Variants in CAPN14 observed in about 807,000 individuals in gnomAD.
CAPN14 encodes calpain 14.
Under a neutral mutation model 101.3 loss-of-function variants are expected in CAPN14, and 94 were observed. That is an observed-to-expected ratio of 0.93 (90% confidence interval 0.79 to 1.10). CAPN14 has a LOEUF of 1.10. Ranked by LOEUF, CAPN14 falls within the 50% of genes least tolerant of loss-of-function variation. The probability of loss-of-function intolerance (pLI) is 0.00; values close to 1 mark genes in which losing one functional copy is unlikely to be tolerated. For synonymous variants in CAPN14, 338 were observed against 317.9 expected, an observed-to-expected ratio of 1.06 and a Z score of -0.67; for missense variants, 837 against 828.4, an observed-to-expected ratio of 1.01 and a Z score of -0.13.
chr2:31,192,972 C>G (rs1437177004), intron 10 of CAPN14, among the ~76,000 whole-genome samples, 159 bp downstream of exon 10: 1 of 152,102 alleles, frequency 6.6e-6, no homozygotes, highest in African/African-American at 2.4e-5. Flanking sequence ...CCCATCTTCC[C>G]TGTGGTTATA....
At chr2:31,176,756 C>A in intron 20 of CAPN14, 114 bp from the exon 21 acceptor site, 3 of 991,380 alleles carry the variant, frequency 3.0e-6, no homozygotes, top group Non-Finnish European at 4.7e-6. Context: ...CGTGAGGGAA[C>A]CCAGTGTCAG....
At chr2:31,178,183 C>T (rs1017304311) in intron 18 of CAPN14, among the ~76,000 whole-genome samples, 4 of 152,152 alleles carry the variant, frequency 2.6e-5, no homozygotes, top group African/African-American at 9.7e-5. Context: ...ATTGGAAGAG[C>T]AAGAAGGAGC....
At chr2:31,188,931 C>T (rs1278392289) in intron 13 of CAPN14, among the ~76,000 whole-genome samples, 1 of 152,174 alleles carries the variant, frequency 6.6e-6, no homozygotes, top group Non-Finnish European at 1.5e-5. Flanking sequence ...TCTTGTAACA[C>T]CCTGTGCATA....
At position 31,191,868 on chromosome 2, in the gene CAPN14, AGACATGGTAACTGTTGGT is replaced by A. The variant is rs144444654; in HGVS notation, c.1278+49_1278+66del. Reference sequence around the variant, plus strand: ...ATGGTGAAGAAGACAGGAAACAGGAAGACATGGTAACTGTTGGTGACCCCCACGCTTGGTCCCATGCCC... The same window carrying A: ...ATGGTGAAGAAGACAGGAAACAGGAAGACCCCCACGCTTGGTCCCATGCCC... On this transcript the variant is annotated intron_variant, in intron 11 of 21. Coordinates refer to ENST00000403897, the MANE Select transcript of CAPN14 (RefSeq NM_001145122.2). 1.8e-4 allele frequency: 245 copies of A among 1,380,442 alleles called. 2 individuals are homozygous for A. The East Asian group carries it at 5.5e-3, about 31-fold the overall frequency. 85.5% of individuals were successfully genotyped at this position (1,380,442 alleles called of 1,614,324 possible).
chr2:31,203,870 G>A (rs1411196796), intron 2 of CAPN14, among the ~76,000 whole-genome samples: 1 of 152,188 alleles, frequency 6.6e-6, no homozygotes, highest in African/African-American at 2.4e-5. Flanking sequence ...CTGTGTTCCT[G>A]AAATCTTGTA....
chr2:31,205,178 T>C, intron 2 of CAPN14, 45 bp downstream of exon 2: 4 of 1,517,480 alleles, frequency 2.6e-6, no homozygotes, highest in Non-Finnish European at 2.7e-6. Context: ...CTGAAAGCCC[T>C]AAACCCTGGG....
chr2:31,221,620 T>C (rs1682864545), upstream of CAPN14, among the ~76,000 whole-genome samples: 2 of 152,110 alleles, frequency 1.3e-5, no homozygotes, highest in Admixed American at 6.6e-5. Flanking sequence ...TGGCAGAAAA[T>C]GTATTTGTAT....
intron 1 of CAPN14, among the ~76,000 whole-genome samples, chr2:31,214,877 A>G (rs1436605598): frequency 6.6e-6 from 1 of 152,198 alleles, no homozygotes; most frequent in Non-Finnish European, 1.5e-5. Flanking sequence ...GAAGGAACTT[A>G]GTGGTCATCC....
chr2:31,206,030 A>ATTT (rs1349730634), intron 1 of CAPN14, among the ~76,000 whole-genome samples: 1 of 113,076 alleles, frequency 8.8e-6, no homozygotes, highest in Non-Finnish European at 1.9e-5. Context: ...TATTTTTTTT[A>ATTT]TTTATTTATT....
At chr2:31,202,472 GATTTTAGATCTGGACCAGGA>G (rs1195298742) in intron 3 of CAPN14, among the ~76,000 whole-genome samples, 3 of 152,162 alleles carry the variant, frequency 2.0e-5, no homozygotes, top group Non-Finnish European at 4.4e-5. Context: ...TCCTGGGCCA[GATTTTAGATCTGGACCAGGA>G]ATTTTAGATT....
chr2:31,205,578 G>T, intron 1 of CAPN14, 79 bp from the exon 2 acceptor site: 4 of 736,130 alleles, frequency 5.4e-6, no homozygotes, highest in South Asian at 5.2e-5. Context: ...GGGGAAGGAT[G>T]GAGAGAATGG....
At position 31,229,763 on chromosome 2, in the gene CAPN14, T is replaced by A. The variant is rs376978461; in HGVS notation, c.-176-3112A>T. On this transcript the variant is annotated intron_variant and NMD_transcript_variant, in intron 1 of 21. Coordinates refer to the CAPN14 transcript ENST00000398824. ...ATAGCTGAAGCTCCCTGTGTACCCA[T>A]CCCCAATTCCATTTCCCTTTTTTGT... 2.0e-5 allele frequency among the ~76,000 whole-genome samples: 3 copies of A among 151,060 alleles called. No individual in the cohort carries two copies. In the East Asian group the frequency reaches 5.9e-4, roughly 30 times the overall value.
At chr2:31,231,975 G>A (rs533776282) in intron 1 of CAPN14, among the ~76,000 whole-genome samples, 1 of 152,192 alleles carries the variant, frequency 6.6e-6, no homozygotes, top group Non-Finnish European at 1.5e-5. Flanking sequence ...ATATTAATCT[G>A]AGTGAATTCT....
chr2:31,203,003 C>T, intron 3 of CAPN14, 67 bp downstream of exon 3: 1 of 1,365,970 alleles, frequency 7.3e-7, no homozygotes, highest in Non-Finnish European at 1.0e-6. Flanking sequence ...TTATCAACCA[C>T]TCTGTCTTGG....
chr2:31,208,202 A>G (rs1028426102), intron 1 of CAPN14, among the ~76,000 whole-genome samples: 1 of 151,660 alleles, frequency 6.6e-6, no homozygotes, highest in Admixed American at 6.6e-5. Flanking sequence ...TTTTTTCCCT[A>G]ATGTGGATGA....
chr2:31,174,772 C>A lies in CAPN14; in HGVS notation c.2029-65G>T, dbSNP rs879044584. On this transcript the variant is annotated intron_variant, in intron 21 of 21. Coordinates refer to ENST00000403897, the MANE Select transcript of CAPN14 (RefSeq NM_001145122.2). ...CCACGTCTCATCTGGGCCTCCCCAT[C>A]CCACACTCCTGGGGAGCCATGGAGA... The A allele has an allele frequency of 4.1e-6, 6 of 1,470,112 alleles. No homozygotes were observed. The Admixed American group carries it at 1.2e-4, about 29-fold the overall frequency. 91.1% of individuals were successfully genotyped at this position (1,470,112 alleles called of 1,614,324 possible). A position where few individuals can be genotyped will look rare whatever the true frequency, so the allele number is the denominator to read the frequency against.
chr2:31,216,299 T>G (rs570072753), intron 1 of CAPN14, among the ~76,000 whole-genome samples: 2 of 152,332 alleles, frequency 1.3e-5, no homozygotes, highest in African/African-American at 4.8e-5. Context: ...ATACCACTGA[T>G]AGTTACATCA....
At chr2:31,218,328 G>A (rs113592634), upstream of CAPN14, among the ~76,000 whole-genome samples, 11 of 135,248 alleles carry the variant, frequency 8.1e-5, no homozygotes, top group Admixed American at 1.8e-4. Flanking sequence ...CTGCCTCCAC[G>A]CTTGCACACC....
chr2:31,179,765 G>C (rs1477773706), intron 17 of CAPN14, among the ~76,000 whole-genome samples: 1 of 152,136 alleles, frequency 6.6e-6, no homozygotes, highest in Non-Finnish European at 1.5e-5. Context: ...TCTAACTGGT[G>C]TGAGATGGTA....
Sources: gnomAD v4.1 joint callset for allele counts (sites outside exome capture counted in the v4.1 genomes callset) on GRCh38, gnomAD v4.1.1 for gene constraint, MANE v1.5 for transcripts, NCBI Gene and HGNC (gene_info 2026-07-23, HGNC 2026-07-21) for gene names.